SPOCK2: variants seen among roughly 807,000 people sequenced by gnomAD.
SPOCK2 encodes testican-2.
SPOCK2 carries 39 observed loss-of-function variants against 60.1 expected under a neutral mutation model. That is an observed-to-expected ratio of 0.65 (90% CI 0.50 to 0.85). The LOEUF is 0.85. Ranked by LOEUF, SPOCK2 falls within the 40% of genes least tolerant of loss-of-function variation. SPOCK2 has a pLI of 0.00. For synonymous variants in SPOCK2, 217 were observed against 231.5 expected, an observed-to-expected ratio of 0.94 and a Z score of 0.57; for missense variants, 523 against 567.4, an observed-to-expected ratio of 0.92 and a Z score of 0.80.
In SPOCK2 at chr10:72,066,943, C is replaced by A. The variant is rs956524922; in HGVS notation, c.887G>T (p.Arg296Leu). 1 of 1,614,186 alleles carries A rather than the reference C, an allele frequency of 6.2e-7. No individual in the cohort carries two copies. The stretch of plus-strand genomic sequence containing the variant: ...GAAGCACCACTCAGCAGTAGAGACC[C>A]GGCCATCCTTGTAGGTGTCACAGGA... ...FNSCDTYKDG[R>L]VSTAEWCFCF... is the part of the protein sequence containing the mutation. The change falls in exon 8 of 11, where the codon CGG (arginine) becomes CTG (leucine). Residue 296 changes from arginine (R) to leucine (L), a missense_variant. Physicochemically the swap from Arg to Leu is moderately radical, Grantham distance 102. Coordinates refer to ENST00000373109, the MANE Select transcript of SPOCK2 (RefSeq NM_001244950.2).
chr10:72,074,246 T>G (rs1347040908), intron 1 of SPOCK2, among the ~76,000 whole-genome samples: 2 of 152,112 alleles, frequency 1.3e-5, no homozygotes, highest in East Asian at 3.9e-4. Context: ...AAGCCTCCCC[T>G]GGAAGCTGGC....
intron 7 of SPOCK2, 98 bp from the exon 8 acceptor site, chr10:72,067,218 T>G: frequency 8.0e-7 from 1 of 1,246,626 alleles, no homozygotes; most frequent in Non-Finnish European, 1.1e-6. Flanking sequence ...AGCCCTCTAT[T>G]CTGGGTCTGG....
rs752599496 is a variant in SPOCK2, at chr10:72,064,227, C to T, written c.942G>A (p.Leu314=). The change falls in exon 9 of 11, where the codon CTG becomes CTA. Residue 314 remains leucine, a synonymous_variant. Coordinates refer to ENST00000373109, the MANE Select transcript of SPOCK2 (RefSeq NM_001244950.2). The part of the protein sequence containing the change: ...FCFWREKPPC[L]AELERIQIQE... ...GGATCTGGATGCGCTCCAGCTCTGCCAGGCAGGGGGGCTCTGTGGGGAGAG... is the reference window on the plus strand; with the variant it reads ...GGATCTGGATGCGCTCCAGCTCTGCTAGGCAGGGGGGCTCTGTGGGGAGAG... The T allele has an allele frequency of 6.2e-7, 1 of 1,604,050 alleles. No homozygotes were observed. The highest frequency in any genetic ancestry group is 1.1e-5 in the South Asian group (1 of 89,854).
rs1049269 is a variant in SPOCK2 at position 72,060,243 on chromosome 10, A to G, written c.*2517T>C. On this transcript the variant is annotated 3_prime_UTR_variant, in exon 11 of 11. Transcript: ENST00000373109. ...ACCTTTTGAGGGGACCAGTCTCAGT[A>G]GGGCGAAAGGCAGTGTGGGGGCTTC... 97,119 of 152,428 alleles carry G rather than the reference A, an allele frequency of 0.64. 32,668 individuals carry two copies. Among genetic ancestry groups the G allele is most frequent in the African/African-American group, 0.88 (36,455 of 41,544 alleles). 9.4% of individuals were successfully genotyped at this position (152,428 alleles called of 1,614,324 possible).
At chr10:72,076,836 C>T (rs1343754064) in intron 1 of SPOCK2, among the ~76,000 whole-genome samples, 3 of 152,216 alleles carry the variant, frequency 2.0e-5, no homozygotes, top group Admixed American at 6.5e-5. Flanking sequence ...AAGGAGAAAA[C>T]GAAGGCTCAG....
At chr10:72,082,065 A>T (rs1840792756) in intron 1 of SPOCK2, among the ~76,000 whole-genome samples, 1 of 152,234 alleles carries the variant, frequency 6.6e-6, no homozygotes, top group Non-Finnish European at 1.5e-5. Context: ...GAGGAATGTG[A>T]CAAACACACA....
intron 1 of SPOCK2, among the ~76,000 whole-genome samples, chr10:72,081,288 G>T (rs566106023): frequency 1.3e-5 from 2 of 152,212 alleles, no homozygotes; most frequent in African/African-American, 4.8e-5. Flanking sequence ...ATAGGAGCCC[G>T]AACGATTTCA....
In SPOCK2 at chr10:72,067,461, C is replaced by T. The variant is rs185918460; in HGVS notation, c.709+152G>A. 1.0e-4 allele frequency: 142 copies of T among 1,376,458 alleles called. No homozygotes were observed. The African/African-American group carries it at 1.6e-3, about 15-fold the overall frequency. The allele number at this position is 1,376,458 out of a possible 1,614,324, so 85.3% of individuals were successfully genotyped here. A position where few individuals can be genotyped will look rare whatever the true frequency, so the allele number is the denominator to read the frequency against. On this transcript the variant is annotated intron_variant, in intron 7 of 10. Transcript: ENST00000373109. Reference sequence around the variant, plus strand: ...TCCCTCCTGCTCTGGTGGAAGCCGACTTCTTTGGGGTGAAGGTTCTTTTGG... The same window carrying T: ...TCCCTCCTGCTCTGGTGGAAGCCGATTTCTTTGGGGTGAAGGTTCTTTTGG...
chr10:72,067,787 G>T, intron 6 of SPOCK2, 55 bp from the exon 7 acceptor site: 2 of 1,583,524 alleles, frequency 1.3e-6, no homozygotes, highest in Non-Finnish European at 1.7e-6. Context: ...CAGCAGGCTC[G>T]ATCTCAGTCT....
chr10:72,065,542 C>A (rs928608040), intron 8 of SPOCK2, among the ~76,000 whole-genome samples: 1 of 152,222 alleles, frequency 6.6e-6, no homozygotes, highest in African/African-American at 2.4e-5. Context: ...CAGAATGTAT[C>A]CCCCTCGTCA....
intron 7 of SPOCK2, among the ~76,000 whole-genome samples, chr10:72,067,376 C>G (rs1403615513): frequency 6.6e-6 from 1 of 152,202 alleles, no homozygotes; most frequent in Non-Finnish European, 1.5e-5. Context: ...CCTGGGCTAC[C>G]CATGTCAGGG....
intron 6 of SPOCK2, 139 bp from the exon 7 acceptor site, chr10:72,067,871 G>A (rs374365059): frequency 5.9e-6 from 8 of 1,359,720 alleles, no homozygotes; most frequent in East Asian, 2.5e-5. Context: ...GTGGAAATCG[G>A]GGGCTTCCTC....
chr10:72,082,627 G>A (rs1840801225), intron 1 of SPOCK2, among the ~76,000 whole-genome samples: 1 of 152,022 alleles, frequency 6.6e-6, no homozygotes, highest in Non-Finnish European at 1.5e-5. Context: ...GCGGAGGGGG[G>A]TGGATTGCTT....
chr10:72,066,421 T>C (rs1840568102), intron 8 of SPOCK2, among the ~76,000 whole-genome samples: 1 of 151,836 alleles, frequency 6.6e-6, no homozygotes, highest in Non-Finnish European at 1.5e-5. Flanking sequence ...CACTGTAGCC[T>C]TGACTTCCTA....
chr10:72,067,196 GCCATCAGCCCCAGC>G, intron 7 of SPOCK2, 76 bp from the exon 8 acceptor site: 1 of 1,411,098 alleles, frequency 7.1e-7, no homozygotes, highest in Non-Finnish European at 9.6e-7. Context: ...TCTCCGCCTC[GCCATCAGCCCCAGC>G]CCTCTATTCT....
At position 72,075,694 on chromosome 10, in the gene SPOCK2, C is replaced by T. The variant is rs564384360; in HGVS notation, c.190-2784G>A. Among the ~76,000 whole-genome samples the T allele has an allele frequency of 3.9e-5, 6 of 152,318 alleles. No individual in the cohort carries two copies. In the East Asian group the frequency reaches 1.2e-3, roughly 29 times the overall value. On this transcript the variant is annotated intron_variant, in intron 1 of 10. Coordinates refer to ENST00000373109, the MANE Select transcript of SPOCK2 (RefSeq NM_001244950.2). ...TGACTCAGCTGGCAGGGAGGGAGCCCCTTCTGTGCAAAGCACTGCCCCCGG... is the reference window on the plus strand; with the variant it reads ...TGACTCAGCTGGCAGGGAGGGAGCCTCTTCTGTGCAAAGCACTGCCCCCGG...
At chr10:72,086,596 T>A in intron 1 of SPOCK2, 1 of 1,171,780 alleles carries the variant, frequency 8.5e-7, no homozygotes, top group Non-Finnish European at 1.1e-6. Context: ...GGCAGGAGAC[T>A]GCGGCTCATC....
chr10:72,062,557 A>T lies in SPOCK2; in HGVS notation c.*203T>A. On this transcript the variant is annotated 3_prime_UTR_variant, in exon 11 of 11. Coordinates refer to ENST00000373109, the MANE Select transcript of SPOCK2 (RefSeq NM_001244950.2). This position sits in a 1 kb window ranked among gnomAD's most constrained non-coding sequence, Gnocchi z 4.3. ...GCATGCCACACACACACACACATACACACATGCATGCACACATGCACTCAC... is the reference window on the plus strand; with the variant it reads ...GCATGCCACACACACACACACATACTCACATGCATGCACACATGCACTCAC... The T allele has an allele frequency of 1.1e-6, 1 of 940,406 alleles. No individual in the cohort carries two copies. Among genetic ancestry groups the T allele is most frequent in the Non-Finnish European group, 1.6e-6 (1 of 637,866 alleles). The allele number at this position is 940,406 out of a possible 1,614,324, so 58.3% of individuals were successfully genotyped here. A position where few individuals can be genotyped will look rare whatever the true frequency, so the allele number is the denominator to read the frequency against.
rs1030007767 is a variant in SPOCK2 at position 72,061,113 on chromosome 10, G to C, written c.*1647C>G. ...GCATCACAGCCCCAAGTCTGGGTAA[G>C]AAATTCTCCACCAAAGGTGTTAAGG... On this transcript the variant is annotated 3_prime_UTR_variant, in exon 11 of 11. Transcript: ENST00000373109. 4.6e-5 allele frequency: 7 copies of C among 152,820 alleles called. No individual in the cohort carries two copies. The highest frequency in any genetic ancestry group is 1.7e-4 in the African/African-American group (7 of 41,464). 9.5% of individuals were successfully genotyped at this position (152,820 alleles called of 1,614,324 possible).
Sources: gnomAD v4.1 joint callset for allele counts (sites outside exome capture counted in the v4.1 genomes callset) on GRCh38, gnomAD v4.1.1 for gene constraint, Gnocchi (gnomAD v3.1) non-coding constraint, MANE v1.5 for transcripts, NCBI Gene and HGNC (gene_info 2026-07-23, HGNC 2026-07-21) for gene names.